The following TSPAN18 variants were observed in gnomAD, a reference collection of about 807,000 sequenced individuals.
The protein encoded by TSPAN18 is tetraspanin 18.
In TSPAN18, 14 loss-of-function variants were observed where a neutral mutation model predicts 27.3. The ratio of observed to expected loss-of-function variants is 0.51; its 90% CI spans 0.34 to 0.80. The LOEUF is 0.80. Ranked by LOEUF, TSPAN18 falls within the 30% of genes least tolerant of loss-of-function variation. TSPAN18 has a pLI of 0.01. For synonymous variants in TSPAN18, 143 were observed against 136.5 expected, an observed-to-expected ratio of 1.05 and a Z score of -0.33; for missense variants, 268 against 323.9, an observed-to-expected ratio of 0.83 and a Z score of 1.32.
intron 2 of TSPAN18, among the ~76,000 whole-genome samples, chr11:44,773,745 A>G (rs1260437332): frequency 5.9e-5 from 9 of 152,164 alleles, no homozygotes; most frequent in African/African-American, 2.2e-4. Context: ...GAGTCCTGCA[A>G]TAGGACCAGG....
intron 8 of TSPAN18, among the ~76,000 whole-genome samples, chr11:44,926,128 G>A (rs1860344083): frequency 1.3e-5 from 2 of 152,288 alleles, no homozygotes; most frequent in Non-Finnish European, 2.9e-5. Flanking sequence ...TGAAGGCTGG[G>A]CTGTGTTTCC....
At chr11:44,885,762 A>G (rs1361092091) in intron 3 of TSPAN18, 2 of 152,138 alleles carry the variant, frequency 1.3e-5, no homozygotes, top group South Asian at 2.1e-4. Context: ...TGCTTCTGTC[A>G]CGGTCTCTCT....
intron 6 of TSPAN18, 22 bp from the exon 7 acceptor site, chr11:44,919,192 C>T: frequency 6.2e-7 from 1 of 1,605,244 alleles, no homozygotes; most frequent in Non-Finnish European, 8.5e-7. Context: ...GGCCTAAGCC[C>T]ATCTTCTCCC....
chr11:44,907,089 C>T (rs905118987), intron 4 of TSPAN18, among the ~76,000 whole-genome samples: 19 of 152,198 alleles, frequency 1.2e-4, no homozygotes, highest in African/African-American at 4.1e-4. Context: ...TGTGGGCAGT[C>T]CTCAATAGCT....
At chr11:44,787,389 TCCCCACC>T (rs1856083551) in intron 2 of TSPAN18, among the ~76,000 whole-genome samples, 1 of 152,170 alleles carries the variant, frequency 6.6e-6, no homozygotes, top group African/African-American at 2.4e-5. Flanking sequence ...ACTTATCCCA[TCCCCACC>T]TGCAATTCGG....
intron 2 of TSPAN18, among the ~76,000 whole-genome samples, chr11:44,772,373 A>G (rs574178387): frequency 3.3e-5 from 5 of 152,338 alleles, no homozygotes; most frequent in African/African-American, 9.6e-5. Flanking sequence ...ACAGACTGAA[A>G]TTTTTGTGAA....
intron 1 of TSPAN18, among the ~76,000 whole-genome samples, chr11:44,757,375 A>ATTAT (rs35948051): frequency 0.15 from 22,807 of 151,268 alleles, 3,075 homozygotes; most frequent in East Asian, 0.73. Flanking sequence ...CTGAGAAATG[A>ATTAT]TTATTTATTT....
intron 3 of TSPAN18, among the ~76,000 whole-genome samples, chr11:44,900,614 G>T (rs1859223387): frequency 6.8e-6 from 1 of 147,588 alleles, no homozygotes. Context: ...TATGCCAGTG[G>T]TTACTATTAT....
At chr11:44,741,570 T>A (rs531959086) in intron 1 of TSPAN18, among the ~76,000 whole-genome samples, 1 of 152,282 alleles carries the variant, frequency 6.6e-6, no homozygotes, top group African/African-American at 2.4e-5. Context: ...TTCGTGCGTG[T>A]CTGCTGGTGA....
chr11:44,865,688 T>TC (rs1455064840), intron 3 of TSPAN18, among the ~76,000 whole-genome samples: 2 of 152,186 alleles, frequency 1.3e-5, no homozygotes, highest in Non-Finnish European at 2.9e-5. Flanking sequence ...TTCTTTTTTT[T>TC]CTCTCCTTAA....
At chr11:44,755,874 A>G (rs569612248) in intron 1 of TSPAN18, among the ~76,000 whole-genome samples, 2 of 151,994 alleles carry the variant, frequency 1.3e-5, no homozygotes, top group Admixed American at 6.6e-5. Flanking sequence ...TATTTCTCCT[A>G]GGAGCCAGGA....
intron 1 of TSPAN18, among the ~76,000 whole-genome samples, chr11:44,754,446 T>A (rs1215342059): frequency 6.6e-6 from 1 of 152,194 alleles, no homozygotes; most frequent in East Asian, 1.9e-4. Context: ...GAGTTCAGGG[T>A]CTGGAACATG....
chr11:44,803,988 G>A (rs1856537232), intron 2 of TSPAN18, among the ~76,000 whole-genome samples: 2 of 152,190 alleles, frequency 1.3e-5, no homozygotes, highest in African/African-American at 4.8e-5. Context: ...AAATAAGAAT[G>A]AAATGTCACC....
Position 44,922,117 on chromosome 11 carries a change from ATT to A in TSPAN18, c.615+2134_615+2135del, listed in dbSNP as rs10659284. Among the ~76,000 whole-genome samples, 1,288 of 131,338 alleles carry A rather than the reference ATT, an allele frequency of 9.8e-3. 5 individuals are homozygous for A. The highest frequency in any genetic ancestry group is 0.015 in the Non-Finnish European group (922 of 60,842). 86.2% of individuals were successfully genotyped at this position (131,338 alleles called of 152,430 possible). On this transcript the variant is annotated intron_variant, in intron 8 of 9. Coordinates refer to ENST00000520358, the MANE Select transcript of TSPAN18 (RefSeq NM_130783.5). ...CCCTCTTGCTTAAAGCCCAGGATGCATTTTTTTTTTTTTTTTTGAGACTGAGT... is the reference window on the plus strand; with the variant it reads ...CCCTCTTGCTTAAAGCCCAGGATGCATTTTTTTTTTTTTTTGAGACTGAGT...
intron 2 of TSPAN18, among the ~76,000 whole-genome samples, chr11:44,784,954 T>C (rs1284496823): frequency 6.6e-6 from 1 of 152,200 alleles, no homozygotes; most frequent in Non-Finnish European, 1.5e-5. Context: ...TGGTGAATGC[T>C]ATAAAAATGT....
At chr11:44,928,086 T>C (rs975436055) in intron 9 of TSPAN18, among the ~76,000 whole-genome samples, 1 of 152,144 alleles carries the variant, frequency 6.6e-6, no homozygotes, top group Admixed American at 6.5e-5. Context: ...CCATGACCTG[T>C]GGTCTAGGGA....
intron 2 of TSPAN18, among the ~76,000 whole-genome samples, chr11:44,791,172 C>T (rs533614510): frequency 3.2e-4 from 48 of 152,256 alleles, no homozygotes; most frequent in African/African-American, 1.1e-3. Flanking sequence ...GGTTTTCTCC[C>T]TTTCTCAGTC....
intron 1 of TSPAN18, among the ~76,000 whole-genome samples, chr11:44,752,095 C>T (rs1331527485): frequency 6.6e-6 from 1 of 152,148 alleles, no homozygotes; most frequent in East Asian, 1.9e-4. Flanking sequence ...CCCCAACACA[C>T]CAACCCAAAA....
intron 2 of TSPAN18, among the ~76,000 whole-genome samples, chr11:44,831,706 C>T (rs1042803330): frequency 6.6e-6 from 1 of 152,182 alleles, no homozygotes; most frequent in African/African-American, 2.4e-5. Flanking sequence ...CAACAGGGAA[C>T]AAGGTCTCTG....
Sources: allele counts gnomAD v4.1 joint callset (sites outside exome capture counted in the v4.1 genomes callset), GRCh38; gene constraint gnomAD v4.1.1; transcripts MANE v1.5; gene names NCBI Gene and HGNC (gene_info 2026-07-23, HGNC 2026-07-21).